GAS2: variants seen among roughly 807,000 people sequenced by gnomAD.
The protein encoded by GAS2 is growth arrest-specific protein 2.
In GAS2, 20 loss-of-function variants were observed where a neutral mutation model predicts 37.5. The observed-to-expected ratio is 0.53, with a 90% CI of 0.37 to 0.77. The LOEUF (loss-of-function observed/expected upper bound fraction) is 0.77, where lower values mean the gene tolerates loss of function less well. GAS2 is among the 30% of genes least tolerant of loss of function. The pLI is 0.00. For synonymous variants in GAS2, 144 were observed against 132.2 expected, an observed-to-expected ratio of 1.09 and a Z score of -0.61; for missense variants, 336 against 373.4, an observed-to-expected ratio of 0.90 and a Z score of 0.82.
chr11:22,718,059 T>C (rs917461842), intron 3 of GAS2, among the ~76,000 whole-genome samples: 1 of 152,114 alleles, frequency 6.6e-6, no homozygotes, highest in Non-Finnish European at 1.5e-5. Context: ...GAAAACAGTA[T>C]GGAGATTCCT....
At chr11:22,805,936 C>T (rs1448078557) in intron 7 of GAS2, among the ~76,000 whole-genome samples, 1 of 152,060 alleles carries the variant, frequency 6.6e-6, no homozygotes, top group Non-Finnish European at 1.5e-5. Context: ...TCACTCTCAT[C>T]GCCAGCTTGG....
chr11:22,653,815 A>G (rs1848825323), intron 1 of GAS2, among the ~76,000 whole-genome samples: 3 of 152,366 alleles, frequency 2.0e-5, no homozygotes, highest in Middle Eastern at 3.4e-3. Flanking sequence ...TTTGATCAAT[A>G]GAGCATAATA....
At chr11:22,785,039 G>C (rs1855756120) in intron 7 of GAS2, among the ~76,000 whole-genome samples, 1 of 152,108 alleles carries the variant, frequency 6.6e-6, no homozygotes, top group Non-Finnish European at 1.5e-5. Flanking sequence ...AAAAATTCCA[G>C]TGTTCCTCCA....
intron 2 of GAS2, among the ~76,000 whole-genome samples, chr11:22,677,089 C>T (rs1379147909): frequency 6.6e-6 from 1 of 151,668 alleles, no homozygotes; most frequent in African/African-American, 2.4e-5. Flanking sequence ...CTTAGATTAG[C>T]AAAAAAACAC....
upstream of GAS2, among the ~76,000 whole-genome samples, chr11:22,663,416 A>T (rs192212124): frequency 1.5e-4 from 23 of 152,224 alleles, 1 homozygote; most frequent in East Asian, 2.5e-3. Context: ...AAAAAAAAAA[A>T]TAAAAAAATA....
chr11:22,661,958 A>C (rs368196794), upstream of GAS2, among the ~76,000 whole-genome samples: 1 of 152,208 alleles, frequency 6.6e-6, no homozygotes. Context: ...AATGTCAAGT[A>C]GAAAAATATC....
chr11:22,770,199 C>T (rs1854905889), intron 7 of GAS2, among the ~76,000 whole-genome samples: 2 of 152,110 alleles, frequency 1.3e-5, no homozygotes, highest in Admixed American at 6.6e-5. Context: ...CTAATGCATG[C>T]AGGGTTTAAA....
At chr11:22,651,919 C>T (rs1055885654) in intron 1 of GAS2, among the ~76,000 whole-genome samples, 4 of 152,202 alleles carry the variant, frequency 2.6e-5, no homozygotes, top group Non-Finnish European at 5.9e-5. Context: ...TCTCTCAGCT[C>T]GTCAAAGTCA....
At position 22,689,182 on chromosome 11, in the gene GAS2, GCTCA is replaced by G. The variant is rs1185088269; in HGVS notation, c.267+3396_267+3399del. 2.6e-5 allele frequency among the ~76,000 whole-genome samples: 4 copies of G among 152,192 alleles called. No homozygotes were observed. The East Asian group carries it at 7.7e-4, about 29-fold the overall frequency. On this transcript the variant is annotated intron_variant, in intron 3 of 7. Transcript: ENST00000454584. ...CAAAAAACTACCTATTGGGTTCTAT[GCTCA>G]CTATCTGGGTGATGAAACCATTTAT...
At chr11:22,730,150 C>T (rs987687808) in intron 4 of GAS2, among the ~76,000 whole-genome samples, 5 of 151,550 alleles carry the variant, frequency 3.3e-5, no homozygotes, top group Admixed American at 2.6e-4. Context: ...TGAGGTCACC[C>T]GTTTGTATCT....
At chr11:22,808,674 G>T (rs376380237) in intron 7 of GAS2, among the ~76,000 whole-genome samples, 30 of 152,286 alleles carry the variant, frequency 2.0e-4, no homozygotes, top group African/African-American at 7.0e-4. Context: ...TGGGCATTTT[G>T]CCAGGGGCAT....
chr11:22,735,529 G>C lies in GAS2; in HGVS notation c.410-2176G>C, dbSNP rs568572997. ...GTTTGCCAAATTGCTTTTCTAATGAGTCTGTGATAGAGTTGATATTGAGTT... is the reference window on the plus strand; with the variant it reads ...GTTTGCCAAATTGCTTTTCTAATGACTCTGTGATAGAGTTGATATTGAGTT... On this transcript the variant is annotated intron_variant, in intron 4 of 7. Coordinates refer to ENST00000454584, the MANE Select transcript of GAS2 (RefSeq NM_001143830.3). 3.3e-5 allele frequency among the ~76,000 whole-genome samples: 5 copies of C among 151,846 alleles called. No individual in the cohort carries two copies. The South Asian group carries it at 1.0e-3, about 31-fold the overall frequency.
chr11:22,637,670 ATATT>A (rs1418534165), intron 1 of GAS2, among the ~76,000 whole-genome samples: 4 of 138,436 alleles, frequency 2.9e-5, no homozygotes, highest in Admixed American at 7.6e-5. Flanking sequence ...TATAAAATAA[ATATT>A]TATATTATAT....
intron 7 of GAS2, among the ~76,000 whole-genome samples, chr11:22,781,251 T>C (rs2134490423): frequency 6.6e-6 from 1 of 152,312 alleles, no homozygotes; most frequent in South Asian, 2.1e-4. Context: ...CTTTGTATTC[T>C]GAGCTATTCA....
intron 7 of GAS2, among the ~76,000 whole-genome samples, chr11:22,803,023 TCA>T (rs2134653499): frequency 6.6e-6 from 1 of 152,252 alleles, no homozygotes; most frequent in East Asian, 1.9e-4. Context: ...TCTATGATGT[TCA>T]CACAGTGGTG....
intron 7 of GAS2, among the ~76,000 whole-genome samples, chr11:22,780,082 T>C: frequency 6.6e-6 from 1 of 152,240 alleles, no homozygotes; most frequent in East Asian, 1.9e-4. Context: ...TACGAGTTGC[T>C]TAATATTTAT....
intron 4 of GAS2, among the ~76,000 whole-genome samples, chr11:22,727,483 A>T (rs1036160588): frequency 6.6e-6 from 1 of 152,036 alleles, no homozygotes; most frequent in African/African-American, 2.4e-5. Flanking sequence ...TACTAATTTT[A>T]TGTGCTTAAG....
At chr11:22,742,135 A>G (rs1853123790) in intron 5 of GAS2, among the ~76,000 whole-genome samples, 4 of 152,066 alleles carry the variant, frequency 2.6e-5, no homozygotes, top group Admixed American at 2.0e-4. Context: ...AAATGAGACA[A>G]AAATATGTTG....
At chr11:22,690,212 A>C (rs1367819413) in intron 3 of GAS2, among the ~76,000 whole-genome samples, 1 of 152,150 alleles carries the variant, frequency 6.6e-6, no homozygotes, top group Non-Finnish European at 1.5e-5. Context: ...AATGCTCTTA[A>C]ATCTTTAATA....
Sources: allele counts gnomAD v4.1 joint callset (sites outside exome capture counted in the v4.1 genomes callset), GRCh38; gene constraint gnomAD v4.1.1; transcripts MANE v1.5; gene names NCBI Gene and HGNC (gene_info 2026-07-23, HGNC 2026-07-21).